Variants in CSMD3 observed in about 807,000 individuals in gnomAD.
CSMD3 encodes CUB and Sushi multiple domains 3.
CSMD3 carries 177 observed loss-of-function variants against 435.2 expected under a neutral mutation model. That is an observed-to-expected ratio of 0.41 (90% CI 0.36 to 0.46). The LOEUF (loss-of-function observed/expected upper bound fraction) is 0.46. Ranked by LOEUF, CSMD3 falls within the 20% of genes least tolerant of loss-of-function variation. The pLI, the probability that CSMD3 is intolerant of heterozygous loss-of-function variation, is 0.34. For synonymous variants in CSMD3, 1,656 were observed against 1,520.5 expected, an observed-to-expected ratio of 1.09 and a Z score of -2.07; for missense variants, 4,265 against 4,504.6, an observed-to-expected ratio of 0.95 and a Z score of 1.52.
intron 10 of CSMD3, among the ~76,000 whole-genome samples, chr8:112,899,529 T>A (rs1401772638): frequency 1.4e-5 from 2 of 143,976 alleles, no homozygotes; most frequent in Admixed American, 1.4e-4. Context: ...TATATATATA[T>A]AGAAATATAC....
At chr8:113,399,834 G>GT (rs1001436280) in intron 1 of CSMD3, among the ~76,000 whole-genome samples, 14 of 151,618 alleles carry the variant, frequency 9.2e-5, no homozygotes, top group Non-Finnish European at 1.5e-4. Context: ...ACTTTAATCT[G>GT]TTTTTTTAAA....
At chr8:113,234,924 C>G (rs187445658) in intron 3 of CSMD3, among the ~76,000 whole-genome samples, 2 of 152,022 alleles carry the variant, frequency 1.3e-5, no homozygotes, top group African/African-American at 2.4e-5. Context: ...TGGAGCCAAA[C>G]TAAATGGTTC....
At chr8:112,973,579 C>G (rs1281168835) in intron 7 of CSMD3, among the ~76,000 whole-genome samples, 1 of 151,782 alleles carries the variant, frequency 6.6e-6, no homozygotes, top group Non-Finnish European at 1.5e-5. Context: ...AAAAATAATA[C>G]TAGTTAGATG....
intron 50 of CSMD3, among the ~76,000 whole-genome samples, chr8:112,308,683 GT>G (rs1196980655): frequency 6.6e-6 from 1 of 151,928 alleles, no homozygotes; most frequent in Non-Finnish European, 1.5e-5. Flanking sequence ...CATGAGGATT[GT>G]TCAATTTTTG....
intron 13 of CSMD3, among the ~76,000 whole-genome samples, chr8:112,757,814 G>A (rs1211511664): frequency 6.6e-6 from 1 of 152,082 alleles, no homozygotes; most frequent in Non-Finnish European, 1.5e-5. Context: ...AACACTTTGG[G>A]AGGCTGAGGC....
At chr8:113,287,073 T>C (rs1488009027) in intron 2 of CSMD3, among the ~76,000 whole-genome samples, 1 of 152,000 alleles carries the variant, frequency 6.6e-6, no homozygotes, top group Non-Finnish European at 1.5e-5. Flanking sequence ...AGTGTACTTT[T>C]TGGATAACAA....
chr8:113,206,563 C>A (rs900200479), intron 3 of CSMD3, among the ~76,000 whole-genome samples: 12 of 151,964 alleles, frequency 7.9e-5, no homozygotes, highest in African/African-American at 2.9e-4. Flanking sequence ...CTCTATTCTC[C>A]AGTACCCCGA....
At chr8:113,083,829 G>A (rs997493282) in intron 5 of CSMD3, among the ~76,000 whole-genome samples, 1 of 151,884 alleles carries the variant, frequency 6.6e-6, no homozygotes, top group South Asian at 2.1e-4. Context: ...AAATTAGCTG[G>A]GTGGCATGGT....
intron 3 of CSMD3, among the ~76,000 whole-genome samples, chr8:113,270,669 T>G (rs1291572299): frequency 6.6e-6 from 1 of 152,080 alleles, no homozygotes; most frequent in Non-Finnish European, 1.5e-5. Context: ...GTTCATGTCC[T>G]TTGTAGGGAC....
intron 13 of CSMD3, among the ~76,000 whole-genome samples, chr8:112,762,392 T>C (rs890770855): frequency 4.6e-5 from 7 of 151,930 alleles, no homozygotes; most frequent in African/African-American, 1.4e-4. Context: ...TAGCACTGTG[T>C]TAAATGTGAT....
chr8:112,631,533 A>T (rs10505170), intron 22 of CSMD3, among the ~76,000 whole-genome samples: 21,036 of 151,980 alleles, frequency 0.14, 1,921 homozygotes, highest in Admixed American at 0.21. Flanking sequence ...TTTCTCGTAC[A>T]TTTCTTTTAT....
intron 1 of CSMD3, among the ~76,000 whole-genome samples, chr8:113,345,102 T>C (rs553935653): frequency 2.0e-5 from 3 of 152,224 alleles, no homozygotes; most frequent in Non-Finnish European, 4.4e-5. Context: ...GCACCCAATG[T>C]ACACAGAAAG....
intron 4 of CSMD3, among the ~76,000 whole-genome samples, chr8:113,152,206 A>G (rs1310263922): frequency 1.3e-5 from 2 of 152,172 alleles, no homozygotes; most frequent in African/African-American, 4.8e-5. Flanking sequence ...ACCAAGATGG[A>G]GCAAGTAGAC....
intron 13 of CSMD3, among the ~76,000 whole-genome samples, chr8:112,776,177 G>GT (rs1331352519): frequency 6.6e-6 from 1 of 151,680 alleles, no homozygotes; most frequent in Non-Finnish European, 1.5e-5. Context: ...CATAACAGCC[G>GT]TATCACCTGT....
At chr8:112,536,293 C>T (rs1826072711) in intron 27 of CSMD3, among the ~76,000 whole-genome samples, 1 of 151,994 alleles carries the variant, frequency 6.6e-6, no homozygotes, top group Non-Finnish European at 1.5e-5. Flanking sequence ...GGCTAATATC[C>T]AGAATCTACA....
At chr8:113,336,085 T>C (rs2094071891) in intron 1 of CSMD3, among the ~76,000 whole-genome samples, 1 of 152,132 alleles carries the variant, frequency 6.6e-6, no homozygotes, top group Admixed American at 6.6e-5. Context: ...TCCTACAGGT[T>C]CTTGATGCAT....
intron 4 of CSMD3, among the ~76,000 whole-genome samples, chr8:113,130,794 A>T (rs1013673263): frequency 6.6e-6 from 1 of 152,112 alleles, no homozygotes; most frequent in Non-Finnish European, 1.5e-5. Context: ...GACTTGTTAA[A>T]TGGCTTTGAC....
At chr8:113,299,732 T>C (rs2093749774) in intron 2 of CSMD3, among the ~76,000 whole-genome samples, 1 of 152,130 alleles carries the variant, frequency 6.6e-6, no homozygotes, top group South Asian at 2.1e-4. Flanking sequence ...CAGTGGCTCA[T>C]GCCTGTAATC....
At chr8:112,541,658 A>T (rs1826674074) in intron 27 of CSMD3, among the ~76,000 whole-genome samples, 1 of 151,956 alleles carries the variant, frequency 6.6e-6, no homozygotes, top group Admixed American at 6.6e-5. Flanking sequence ...TTCACTGGTG[A>T]ATTCTACCAA....
Sources: gnomAD v4.1 joint callset for allele counts (sites outside exome capture counted in the v4.1 genomes callset) on GRCh38, gnomAD v4.1.1 for gene constraint, MANE v1.5 for transcripts, NCBI Gene and HGNC (gene_info 2026-07-23, HGNC 2026-07-21) for gene names.